Variants in C8orf34 observed in about 807,000 individuals in gnomAD.
C8orf34 encodes the protein chromosome 8 open reading frame 34, also known as uncharacterized protein C8orf34.
C8orf34 carries 65 observed loss-of-function variants against 68.3 expected under a neutral mutation model. That is an observed-to-expected ratio of 0.95 (90% CI 0.78 to 1.17). C8orf34 has a LOEUF of 1.17. Among genes scored for constraint, C8orf34 ranks in the 50% most tolerant of loss-of-function variants. The pLI, the probability that C8orf34 is intolerant of heterozygous loss-of-function variation, is 0.00. For synonymous variants in C8orf34, 244 were observed against 241.2 expected, an observed-to-expected ratio of 1.01 and a Z score of -0.11; for missense variants, 664 against 655.4, an observed-to-expected ratio of 1.01 and a Z score of -0.14.
intron 8 of C8orf34, among the ~76,000 whole-genome samples, chr8:68,679,278 CT>C (rs1337248220): frequency 7.2e-5 from 11 of 151,900 alleles, no homozygotes; most frequent in African/African-American, 2.7e-4. Context: ...CAGAACGAGA[CT>C]TTGTCTAAAA....
chr8:68,497,131 G>C (rs1813557938), intron 5 of C8orf34, among the ~76,000 whole-genome samples: 1 of 152,086 alleles, frequency 6.6e-6, no homozygotes, highest in Non-Finnish European at 1.5e-5. Flanking sequence ...TTATATCACA[G>C]ACAGAACTTA....
chr8:68,745,868 G>C (rs368015479), intron 10 of C8orf34, among the ~76,000 whole-genome samples: 7 of 152,008 alleles, frequency 4.6e-5, no homozygotes, highest in South Asian at 4.2e-4. Flanking sequence ...TTGAACTCAG[G>C]TCTGCACCAA....
At chr8:68,707,551 G>T (rs1249268084) in intron 8 of C8orf34, among the ~76,000 whole-genome samples, 1 of 152,038 alleles carries the variant, frequency 6.6e-6, no homozygotes, top group Non-Finnish European at 1.5e-5. Context: ...CTTTGTTGGA[G>T]ATTTATTTTC....
chr8:68,602,965 G>C (rs1563555405), intron 7 of C8orf34, among the ~76,000 whole-genome samples: 1 of 152,030 alleles, frequency 6.6e-6, no homozygotes, highest in Non-Finnish European at 1.5e-5. Context: ...CCACATGTTG[G>C]CAGTTCTGGG....
chr8:68,696,382 A>G (rs1349134716), intron 8 of C8orf34, among the ~76,000 whole-genome samples: 1 of 149,270 alleles, frequency 6.7e-6, no homozygotes. Context: ...GAGAGATTAT[A>G]TATAACTAGA....
At chr8:68,619,427 AGGCAGGC>A (rs1818323990) in intron 7 of C8orf34, among the ~76,000 whole-genome samples, 1 of 152,238 alleles carries the variant, frequency 6.6e-6, no homozygotes. Flanking sequence ...GAGCACGGAC[AGGCAGGC>A]TGTAATAAAC....
chr8:68,579,149 G>A (rs1180221565), intron 7 of C8orf34, among the ~76,000 whole-genome samples: 2 of 151,928 alleles, frequency 1.3e-5, no homozygotes, highest in East Asian at 1.9e-4. Flanking sequence ...CCACAGTTGT[G>A]CACAATGCCC....
At chr8:68,664,754 A>G (rs1819787759) in intron 8 of C8orf34, among the ~76,000 whole-genome samples, 1 of 152,182 alleles carries the variant, frequency 6.6e-6, no homozygotes. Flanking sequence ...GGGAAGCCAC[A>G]GCACAGCAAG....
At position 68,663,480 on chromosome 8, in the gene C8orf34, G is replaced by A. The variant is rs12114428; in HGVS notation, c.1241+22969G>A. On this transcript the variant is annotated intron_variant, in intron 8 of 13. Coordinates refer to ENST00000518698, the MANE Select transcript of C8orf34 (RefSeq NM_052958.4). ...CACTAAATCTTATCTAAAAAATCCCGGAGAAAAAATCCAGTGGAGTCCACC... is the reference window on the plus strand; with the variant it reads ...CACTAAATCTTATCTAAAAAATCCCAGAGAAAAAATCCAGTGGAGTCCACC... 5.7e-3 allele frequency among the ~76,000 whole-genome samples: 861 copies of A among 152,150 alleles called. 12 individuals are homozygous for A. The highest frequency in any genetic ancestry group is 0.02 in the African/African-American group (818 of 41,496).
intron 1 of C8orf34, among the ~76,000 whole-genome samples, chr8:68,357,487 G>T (rs963052095): frequency 1.3e-5 from 2 of 152,124 alleles, no homozygotes; most frequent in East Asian, 1.9e-4. Flanking sequence ...GGAACACAGA[G>T]ATCAACATTA....
intron 8 of C8orf34, among the ~76,000 whole-genome samples, chr8:68,652,911 C>T (rs994356356): frequency 1.3e-5 from 2 of 152,004 alleles, no homozygotes; most frequent in East Asian, 3.9e-4. Context: ...AAGATCAGGG[C>T]AAAAATACAC....
chr8:68,676,996 A>G (rs1243397389), intron 8 of C8orf34, among the ~76,000 whole-genome samples: 1 of 152,172 alleles, frequency 6.6e-6, no homozygotes, highest in East Asian at 1.9e-4. Flanking sequence ...TGATTCAGTC[A>G]TTTCCCACTG....
intron 8 of C8orf34, among the ~76,000 whole-genome samples, chr8:68,661,046 G>T (rs772180418): frequency 1.3e-5 from 2 of 152,150 alleles, no homozygotes; most frequent in Non-Finnish European, 2.9e-5. Flanking sequence ...GGGGAGGAAA[G>T]ACTCTGGGCA....
chr8:68,792,569 C>CT (rs1250234469), intron 12 of C8orf34: 1 of 25,036 alleles, frequency 4.0e-5, no homozygotes, highest in Non-Finnish European at 6.1e-5. Context: ...GAGACTCCAT[C>CT]TCAAAAAAAA....
chr8:68,341,926 A>C (rs1217731468), intron 1 of C8orf34, among the ~76,000 whole-genome samples: 4 of 152,160 alleles, frequency 2.6e-5, no homozygotes, highest in Admixed American at 2.6e-4. Flanking sequence ...GGAGTGTGTG[A>C]GGAGAAAGAT....
chr8:68,713,025 A>G (rs1378908491), intron 9 of C8orf34, among the ~76,000 whole-genome samples: 1 of 152,188 alleles, frequency 6.6e-6, no homozygotes, highest in African/African-American at 2.4e-5. Context: ...AGGAAGCCAC[A>G]AAACCATGCA....
chr8:68,770,465 G>C lies in C8orf34; in HGVS notation c.1405-5934G>C, dbSNP rs185417928. 9.0e-4 allele frequency among the ~76,000 whole-genome samples: 137 copies of C among 152,306 alleles called. 2 individuals are homozygous for C. In the South Asian group the frequency reaches 0.014, roughly 15 times the overall value. Reference sequence around the variant, plus strand: ...TAAATGGATCTTTCTAGAGTCAATTGACCAATAATGTATGCTTTAGTCTAT... The same window carrying C: ...TAAATGGATCTTTCTAGAGTCAATTCACCAATAATGTATGCTTTAGTCTAT... On this transcript the variant is annotated intron_variant, in intron 10 of 13. Coordinates refer to ENST00000518698, the MANE Select transcript of C8orf34 (RefSeq NM_052958.4).
chr8:68,774,281 G>A (rs988921757), intron 10 of C8orf34, among the ~76,000 whole-genome samples: 1 of 144,246 alleles, frequency 6.9e-6, no homozygotes, highest in African/African-American at 2.7e-5. Context: ...AGTGTGGGAA[G>A]TTCACCTCTA....
chr8:68,688,013 A>G (rs1820572276), intron 8 of C8orf34, among the ~76,000 whole-genome samples: 1 of 152,164 alleles, frequency 6.6e-6, no homozygotes, highest in Non-Finnish European at 1.5e-5. Flanking sequence ...CACTTGGGCA[A>G]CAAACATGAA....
Sources: gnomAD v4.1 joint callset for allele counts (sites outside exome capture counted in the v4.1 genomes callset) on GRCh38, gnomAD v4.1.1 for gene constraint, MANE v1.5 for transcripts, NCBI Gene and HGNC (gene_info 2026-07-23, HGNC 2026-07-21) for gene names.